Variants in PSEN1 observed in about 807,000 individuals in gnomAD.
The protein encoded by PSEN1 is presenilin 1.
Under a neutral mutation model 53.5 loss-of-function variants are expected in PSEN1, and 15 were observed. The ratio of observed to expected loss-of-function variants is 0.28; its 90% confidence interval spans 0.19 to 0.43. The LOEUF (loss-of-function observed/expected upper bound fraction) is 0.43, where lower values mean the gene tolerates loss of function less well. Ranked by LOEUF, PSEN1 falls within the 20% of genes least tolerant of loss-of-function variation. PSEN1 has a pLI of 1.00. For synonymous variants in PSEN1, 208 were observed against 209.8 expected (o/e 0.99, Z 0.08); for missense variants, 387 against 571.2 (o/e 0.68, Z 3.29).
At chr14:73,177,791 A>C (rs1164180277) in intron 5 of PSEN1, among the ~76,000 whole-genome samples, 1 of 152,148 alleles carries the variant, frequency 6.6e-6, no homozygotes, top group Non-Finnish European at 1.5e-5. Flanking sequence ...GGTCACTTTC[A>C]AAATTTTCTT....
intron 5 of PSEN1, among the ~76,000 whole-genome samples, chr14:73,184,629 C>T (rs1164576778): frequency 1.4e-5 from 2 of 138,882 alleles, no homozygotes. Flanking sequence ...GACGGGGCGG[C>T]TGGCCGGGCG....
chr14:73,177,530 C>G (rs1247432400), intron 5 of PSEN1, among the ~76,000 whole-genome samples: 1 of 152,198 alleles, frequency 6.6e-6, no homozygotes, highest in Admixed American at 6.5e-5. Flanking sequence ...TCTGTCTGAA[C>G]ATCTTCCTTT....
intron 9 of PSEN1, among the ~76,000 whole-genome samples, chr14:73,206,766 T>A (rs1260126191): frequency 1.3e-5 from 2 of 152,130 alleles, no homozygotes; most frequent in African/African-American, 4.8e-5. Context: ...TGTTTGTTTT[T>A]TATAAGTCAT....
intron 9 of PSEN1, among the ~76,000 whole-genome samples, chr14:73,208,309 C>T (rs75903964): frequency 0.015 from 2,295 of 152,312 alleles, 58 homozygotes; most frequent in African/African-American, 0.051. Context: ...GAATGAAGTA[C>T]GTGGACAGCT....
At chr14:73,147,044 C>CTTTTTT (rs75227261) in intron 1 of PSEN1, among the ~76,000 whole-genome samples, 1 of 138,348 alleles carries the variant, frequency 7.2e-6, no homozygotes, top group African/African-American at 2.7e-5. Flanking sequence ...GTCAGCCATT[C>CTTTTTT]TTTTTTTTTT....
intron 6 of PSEN1, among the ~76,000 whole-genome samples, chr14:73,190,909 T>A (rs1232235378): frequency 6.6e-6 from 1 of 152,260 alleles, no homozygotes; most frequent in Non-Finnish European, 1.5e-5. Context: ...TATAAATATC[T>A]ACATCGTCCA....
chr14:73,212,252 A>C (rs1190103513), intron 10 of PSEN1, among the ~76,000 whole-genome samples: 2 of 151,502 alleles, frequency 1.3e-5, no homozygotes, highest in South Asian at 2.1e-4. Context: ...CTGGGACTAC[A>C]GGCGTGCGCC....
chr14:73,189,868 C>G (rs993642199), intron 6 of PSEN1: 1 of 227,646 alleles, frequency 4.4e-6, no homozygotes, highest in African/African-American at 2.3e-5. Context: ...AGCCCTTGAC[C>G]TTTACCATGT....
intron 5 of PSEN1, among the ~76,000 whole-genome samples, chr14:73,179,663 G>A (rs1009004661): frequency 6.6e-6 from 1 of 152,148 alleles, no homozygotes; most frequent in Admixed American, 6.5e-5. Flanking sequence ...CTGGGTGTTA[G>A]GAGACCTCTT....
chr14:73,175,088 A>G (rs920626471), intron 5 of PSEN1, among the ~76,000 whole-genome samples: 1 of 152,156 alleles, frequency 6.6e-6, no homozygotes, highest in Non-Finnish European at 1.5e-5. Context: ...TGGGAGGCCA[A>G]GGCAGGAGGA....
intron 11 of PSEN1, among the ~76,000 whole-genome samples, chr14:73,218,642 C>G (rs1459626581): frequency 6.6e-6 from 1 of 151,870 alleles, no homozygotes; most frequent in Non-Finnish European, 1.5e-5. Flanking sequence ...AGAATGCTCC[C>G]ACACAGCATA....
At position 73,185,507 on chromosome 14, in the gene PSEN1, A is replaced by G. The variant is rs1293709539; in HGVS notation, c.481-1346A>G. Among the ~76,000 whole-genome samples the G allele has an allele frequency of 7.2e-5, 11 of 151,974 alleles. No individual in the cohort carries two copies. In the East Asian group the frequency reaches 2.1e-3, roughly 29 times the overall value. On this transcript the variant is annotated intron_variant, in intron 5 of 11. Transcript: ENST00000324501. ...GCACTCGGCAGGCTGAGTCAGGAGA[A>G]TCAGGCAGGGAGGTTGCAGTGAGCC...
In PSEN1 at chr14:73,198,280, A is replaced by G. The variant is rs575779932; in HGVS notation, c.868+151A>G. On this transcript the variant is annotated intron_variant, in intron 8 of 11. Coordinates refer to ENST00000324501, the MANE Select transcript of PSEN1 (RefSeq NM_000021.4). ...CCTGCAGATCTCTTTGTTTCCTTGC[A>G]AGCAATTGTCTTCTACCTGATGTTG... is the stretch of plus-strand genomic sequence containing the variant. The G allele has an allele frequency of 2.4e-4, 156 of 638,746 alleles. 1 individual carries two copies. The highest frequency in any genetic ancestry group is 1.6e-3 in the Middle Eastern group (4 of 2,436). 39.6% of individuals were successfully genotyped at this position (638,746 alleles called of 1,614,324 possible). A position where few individuals can be genotyped will look rare whatever the true frequency, so the allele number is the denominator to read the frequency against.
chr14:73,146,383 C>T (rs1897072502), intron 1 of PSEN1, among the ~76,000 whole-genome samples: 1 of 151,980 alleles, frequency 6.6e-6, no homozygotes, highest in Admixed American at 6.6e-5. Flanking sequence ...TAGTGTTTTC[C>T]TATGTTGCCC....
At chr14:73,145,025 T>G (rs1180426558) in intron 1 of PSEN1, among the ~76,000 whole-genome samples, 2 of 152,168 alleles carry the variant, frequency 1.3e-5, no homozygotes, top group African/African-American at 4.8e-5. Context: ...CCTTAGTAGC[T>G]GGGATTACAG....
intron 4 of PSEN1, 73 bp downstream of exon 4, chr14:73,171,120 G>C: frequency 6.4e-7 from 1 of 1,566,138 alleles, no homozygotes; most frequent in Non-Finnish European, 8.7e-7. Flanking sequence ...TCATCACCTT[G>C]AAGGCCTCTG....
intron 3 of PSEN1, 141 bp from the exon 4 acceptor site, chr14:73,170,656 C>A: frequency 1.1e-6 from 1 of 873,860 alleles, no homozygotes; most frequent in Non-Finnish European, 1.8e-6. Flanking sequence ...TTTTAAACTG[C>A]ATACTTCCTG....
chr14:73,207,980 A>G (rs1899522332), intron 9 of PSEN1, among the ~76,000 whole-genome samples: 3 of 152,238 alleles, frequency 2.0e-5, no homozygotes, highest in African/African-American at 7.2e-5. Context: ...ACCTGATAGA[A>G]AAGTAAGAAA....
At chr14:73,162,020 A>G (rs1387516450) in intron 3 of PSEN1, among the ~76,000 whole-genome samples, 2 of 148,100 alleles carry the variant, frequency 1.4e-5, no homozygotes, top group Non-Finnish European at 3.0e-5. Context: ...AAAAAAATAG[A>G]AAAAGAAACC....
Sources: allele counts gnomAD v4.1 joint callset (sites outside exome capture counted in the v4.1 genomes callset), GRCh38; gene constraint gnomAD v4.1.1; transcripts MANE v1.5; gene names NCBI Gene and HGNC (gene_info 2026-07-23, HGNC 2026-07-21).